LRRC4C: variants seen among roughly 807,000 people sequenced by gnomAD.
LRRC4C encodes the protein leucine rich repeat containing 4C, also known as leucine-rich repeat-containing protein 4C.
LRRC4C carries 5 observed loss-of-function variants against 33.6 expected under a neutral mutation model. The ratio of observed to expected loss-of-function variants is 0.15; its 90% confidence interval spans 0.08 to 0.31. The LOEUF (loss-of-function observed/expected upper bound fraction) is 0.31, where lower values mean the gene tolerates loss of function less well. Among genes scored for constraint, LRRC4C ranks in the 10% least tolerant of loss-of-function variants. The pLI is 1.00. For synonymous variants in LRRC4C, 329 were observed against 302.0 expected (o/e 1.09, Z -0.93); for missense variants, 560 against 796.7 (o/e 0.70, Z 3.58).
chr11:41,404,494 G>A (rs1283054346), intron 1 of LRRC4C, among the ~76,000 whole-genome samples: 3 of 145,206 alleles, frequency 2.1e-5, no homozygotes, highest in East Asian at 4.2e-4. Context: ...GTGTGTGTGT[G>A]TGTATACACA....
At chr11:40,409,817 T>C (rs1950091625) in intron 3 of LRRC4C, among the ~76,000 whole-genome samples, 3 of 152,092 alleles carry the variant, frequency 2.0e-5, no homozygotes, top group Admixed American at 6.6e-5. Flanking sequence ...TGGGAAATGA[T>C]ATGGAGGTTC....
chr11:41,453,695 A>G (rs190164361), intron 1 of LRRC4C, among the ~76,000 whole-genome samples: 2 of 151,880 alleles, frequency 1.3e-5, no homozygotes, highest in East Asian at 1.9e-4. Context: ...TTTGTATGTG[A>G]GAAGTATAAA....
At chr11:40,132,161 G>A (rs1856687851) in intron 6 of LRRC4C, among the ~76,000 whole-genome samples, 1 of 152,190 alleles carries the variant, frequency 6.6e-6, no homozygotes, top group African/African-American at 2.4e-5. Flanking sequence ...GTCTGTTAGA[G>A]TTCTAGCTAT....
intron 3 of LRRC4C, among the ~76,000 whole-genome samples, chr11:40,344,193 A>C (rs1393483130): frequency 1.3e-5 from 2 of 152,134 alleles, no homozygotes; most frequent in African/African-American, 4.8e-5. Context: ...GCAGAGATAC[A>C]ACAAAAAAAG....
At chr11:41,366,619 G>A (rs1952554778) in intron 1 of LRRC4C, among the ~76,000 whole-genome samples, 1 of 152,102 alleles carries the variant, frequency 6.6e-6, no homozygotes, top group Non-Finnish European at 1.5e-5. Context: ...TATTGTAGTT[G>A]TAAGCCCCAA....
intron 1 of LRRC4C, among the ~76,000 whole-genome samples, chr11:41,122,298 CG>C (rs973540561): frequency 6.6e-6 from 1 of 151,984 alleles, no homozygotes; most frequent in Admixed American, 6.6e-5. Context: ...ATAGTTCTGT[CG>C]GGAAACAAGT....
At chr11:40,548,198 G>C (rs573302115) in intron 3 of LRRC4C, among the ~76,000 whole-genome samples, 2 of 151,990 alleles carry the variant, frequency 1.3e-5, no homozygotes, top group African/African-American at 4.8e-5. Context: ...GTAGCATTTC[G>C]GGGACTGTTG....
chr11:41,108,129 T>A (rs531031937), intron 1 of LRRC4C, among the ~76,000 whole-genome samples: 1 of 152,222 alleles, frequency 6.6e-6, no homozygotes, highest in Non-Finnish European at 1.5e-5. Context: ...TTACAAGTGA[T>A]TCTTATCAAG....
In LRRC4C at chr11:41,225,273, T is replaced by A. The variant is rs567242445; in HGVS notation, c.-496+234158A>T. On this transcript the variant is annotated intron_variant, in intron 1 of 6. Transcript: ENST00000528697. ...TAGTCCATAATAATTTAACTGTATA[T>A]TTTAAAATAACTAAAAGAGTTACAA... is the stretch of plus-strand genomic sequence containing the variant. Among the ~76,000 whole-genome samples the A allele has an allele frequency of 5.7e-4, 87 of 152,236 alleles. 1 individual carries two copies. Among genetic ancestry groups the A allele is most frequent in the African/African-American group, 2.0e-3 (85 of 41,538 alleles).
At chr11:40,661,464 T>C (rs1943429538) in intron 2 of LRRC4C, among the ~76,000 whole-genome samples, 1 of 152,186 alleles carries the variant, frequency 6.6e-6, no homozygotes, top group Non-Finnish European at 1.5e-5. Flanking sequence ...TTTAAATTAT[T>C]ATTTCCTTGG....
At chr11:40,453,100 G>A (rs1438880254) in intron 3 of LRRC4C, among the ~76,000 whole-genome samples, 1 of 152,010 alleles carries the variant, frequency 6.6e-6, no homozygotes, top group African/African-American at 2.4e-5. Flanking sequence ...GTTAATGGGT[G>A]CAGCGCACCA....
chr11:40,166,221 C>A (rs759037520), intron 5 of LRRC4C, among the ~76,000 whole-genome samples: 3 of 152,122 alleles, frequency 2.0e-5, no homozygotes, highest in African/African-American at 7.2e-5. Flanking sequence ...GTGTCCCAAT[C>A]CCCATTCAAT....
chr11:41,262,793 T>G (rs1017420148), intron 1 of LRRC4C, among the ~76,000 whole-genome samples: 19 of 152,210 alleles, frequency 1.2e-4, no homozygotes, highest in African/African-American at 4.3e-4. Flanking sequence ...AAGAATAAAA[T>G]AGGAGGTAAA....
chr11:41,233,083 T>A (rs1226492972), intron 1 of LRRC4C, among the ~76,000 whole-genome samples: 1 of 152,082 alleles, frequency 6.6e-6, no homozygotes, highest in Admixed American at 6.6e-5. Context: ...TGCTCTTTCT[T>A]TAGACATTTA....
chr11:41,347,074 C>T (rs1399425990), intron 1 of LRRC4C, among the ~76,000 whole-genome samples: 1 of 152,030 alleles, frequency 6.6e-6, no homozygotes, highest in African/African-American at 2.4e-5. Flanking sequence ...TATACATGCC[C>T]ATTACTCAAA....
intron 4 of LRRC4C, among the ~76,000 whole-genome samples, chr11:40,252,102 A>G (rs999901198): frequency 6.6e-6 from 1 of 152,084 alleles, no homozygotes; most frequent in African/African-American, 2.4e-5. Context: ...AAACCACACA[A>G]TATTATTCAT....
intron 1 of LRRC4C, among the ~76,000 whole-genome samples, chr11:41,402,082 G>A (rs1954047086): frequency 6.6e-6 from 1 of 152,014 alleles, no homozygotes; most frequent in Non-Finnish European, 1.5e-5. Flanking sequence ...TAGTGGGATA[G>A]AGAGAGATAA....
chr11:41,328,726 C>A (rs1420005744), intron 1 of LRRC4C, among the ~76,000 whole-genome samples: 1 of 152,172 alleles, frequency 6.6e-6, no homozygotes, highest in South Asian at 2.1e-4. Flanking sequence ...ACTCTGCAGT[C>A]GTGACATAAA....
chr11:41,258,551 T>C (rs1039646327), intron 1 of LRRC4C, among the ~76,000 whole-genome samples: 2 of 151,980 alleles, frequency 1.3e-5, no homozygotes, highest in African/African-American at 4.8e-5. Context: ...CCTTATTGTG[T>C]TTTAATTTTT....
Sources: gnomAD v4.1 joint callset for allele counts (sites outside exome capture counted in the v4.1 genomes callset) on GRCh38, gnomAD v4.1.1 for gene constraint, MANE v1.5 for transcripts, NCBI Gene and HGNC (gene_info 2026-07-23, HGNC 2026-07-21) for gene names.